The following HIVEP3 variants were observed in gnomAD, a reference collection of about 807,000 sequenced individuals.
The protein encoded by HIVEP3 is transcription factor HIVEP3.
A neutral mutation model predicts 152.8 loss-of-function variants in HIVEP3; 49 were observed. The observed-to-expected ratio is 0.32, with a 90% confidence interval of 0.26 to 0.41. The LOEUF is 0.41. Ranked by LOEUF, HIVEP3 falls within the 10% of genes least tolerant of loss-of-function variation. The pLI, the probability that HIVEP3 is intolerant of heterozygous loss-of-function variation, is 1.00. For synonymous variants in HIVEP3, 1,269 were observed against 1,289.0 expected (o/e 0.98, Z 0.33); for missense variants, 2,790 against 3,103.3 (o/e 0.90, Z 2.40).
chr1:42,027,852 C>T (rs1032256230), intron 1 of HIVEP3, among the ~76,000 whole-genome samples: 2 of 152,124 alleles, frequency 1.3e-5, no homozygotes, highest in African/African-American at 4.8e-5. Context: ...CTCACTATCA[C>T]GAGAATAGCA....
At chr1:41,704,643 C>T (rs767018040) in intron 1 of HIVEP3, among the ~76,000 whole-genome samples, 1 of 152,262 alleles carries the variant, frequency 6.6e-6, no homozygotes, top group Non-Finnish European at 1.5e-5. Context: ...GTTTAGACTT[C>T]ACAATGAGTC....
intron 3 of HIVEP3, among the ~76,000 whole-genome samples, chr1:41,610,311 C>G (rs1283293777): frequency 6.6e-6 from 1 of 152,236 alleles, no homozygotes; most frequent in Non-Finnish European, 1.5e-5. Context: ...AGACACTTTG[C>G]TGCTATCACA....
chr1:41,854,416 C>A (rs1000930652), intron 1 of HIVEP3, among the ~76,000 whole-genome samples: 2 of 152,078 alleles, frequency 1.3e-5, no homozygotes, highest in African/African-American at 4.8e-5. Context: ...TCACCCCCAC[C>A]CCACTGACTC....
intron 1 of HIVEP3, among the ~76,000 whole-genome samples, chr1:41,721,830 C>T (rs1309586276): frequency 6.6e-6 from 1 of 152,182 alleles, no homozygotes; most frequent in African/African-American, 2.4e-5. Context: ...GTGCTCCTAA[C>T]CCCACACGGT....
chr1:41,984,518 T>C (rs1365696273), intron 1 of HIVEP3, among the ~76,000 whole-genome samples: 1 of 151,990 alleles, frequency 6.6e-6, no homozygotes, highest in African/African-American at 2.4e-5. Context: ...TATCCAGACG[T>C]GGAATGCACA....
rs202080533 is a variant in HIVEP3, at chr1:41,753,651, G to A, written c.-800-52656C>T. Among the ~76,000 whole-genome samples the A allele has an allele frequency of 3.5e-4, 48 of 137,418 alleles. 2 individuals carry two copies. In the East Asian group the frequency reaches 0.01, roughly 29 times the overall value. 90.2% of individuals were successfully genotyped at this position (137,418 alleles called of 152,430 possible). ...TCATCGCACTCCAGCCTGGGACACA[G>A]GAGAGAAACGCCGTCTCAAAAATAA... On this transcript the variant is annotated intron_variant, in intron 1 of 8. Transcript: ENST00000372583.
At chr1:41,537,472 G>C (rs1370112464) in intron 5 of HIVEP3, among the ~76,000 whole-genome samples, 1 of 152,224 alleles carries the variant, frequency 6.6e-6, no homozygotes, top group African/African-American at 2.4e-5. Context: ...CTCAGGGCCA[G>C]TTCCCAGAGG....
chr1:41,814,994 G>C (rs529881100), intron 1 of HIVEP3, among the ~76,000 whole-genome samples: 4 of 152,300 alleles, frequency 2.6e-5, no homozygotes, highest in Admixed American at 6.5e-5. Flanking sequence ...TCAAACTTAG[G>C]TTCTAGCAGA....
At chr1:41,728,030 T>C (rs1646783671) in intron 1 of HIVEP3, among the ~76,000 whole-genome samples, 1 of 152,102 alleles carries the variant, frequency 6.6e-6, no homozygotes, top group South Asian at 2.1e-4. Context: ...GTATCCACCA[T>C]CTTATTGTTG....
chr1:41,650,315 C>G (rs1408495346), intron 2 of HIVEP3, among the ~76,000 whole-genome samples: 1 of 152,130 alleles, frequency 6.6e-6, no homozygotes, highest in African/African-American at 2.4e-5. Context: ...TGCTGAAGCA[C>G]CATTGCGTGC....
chr1:42,023,653 T>TTCTCTC (rs1278942649), intron 1 of HIVEP3, among the ~76,000 whole-genome samples: 2 of 152,068 alleles, frequency 1.3e-5, no homozygotes, highest in South Asian at 2.1e-4. Context: ...CCTCCCGCCA[T>TTCTCTC]TCTCTCTCTC....
chr1:41,888,121 C>T (rs528974914), intron 1 of HIVEP3, among the ~76,000 whole-genome samples: 16 of 150,864 alleles, frequency 1.1e-4, no homozygotes, highest in South Asian at 4.2e-4. Context: ...CTGCAAGCTC[C>T]GCCTCCTGGG....
At chr1:41,747,079 C>T (rs1647084165) in intron 1 of HIVEP3, among the ~76,000 whole-genome samples, 1 of 152,150 alleles carries the variant, frequency 6.6e-6, no homozygotes, top group African/African-American at 2.4e-5. Context: ...GGATTCCCAC[C>T]TGTGAGAGGC....
Position 41,510,221 on chromosome 1 carries a change from T to G in HIVEP3, c.*230A>C. On this transcript the variant is annotated 3_prime_UTR_variant, in exon 9 of 9. Coordinates refer to ENST00000372583, the MANE Select transcript of HIVEP3 (RefSeq NM_024503.5). ...CCTCAGACTCCTCGTGGGTTGTTGT[T>G]TTTTTTTTAAATGTATGTATGTGAT... 1 of 381,096 alleles carries G rather than the reference T, an allele frequency of 2.6e-6. No individual in the cohort carries two copies. 23.6% of individuals were successfully genotyped at this position (381,096 alleles called of 1,614,324 possible).
At chr1:41,877,560 A>T (rs981679352) in intron 1 of HIVEP3, among the ~76,000 whole-genome samples, 6 of 152,066 alleles carry the variant, frequency 3.9e-5, no homozygotes, top group African/African-American at 7.2e-5. Context: ...GTGTATTTCT[A>T]CCTCTGGGCC....
At chr1:41,597,395 A>C (rs779532546) in intron 3 of HIVEP3, among the ~76,000 whole-genome samples, 1 of 152,196 alleles carries the variant, frequency 6.6e-6, no homozygotes, top group Non-Finnish European at 1.5e-5. Context: ...GGGCATAATA[A>C]TTCAGAGGAA....
chr1:41,610,314 C>T (rs1644879858), intron 3 of HIVEP3, among the ~76,000 whole-genome samples: 1 of 152,252 alleles, frequency 6.6e-6, no homozygotes, highest in Non-Finnish European at 1.5e-5. Context: ...CACTTTGCTG[C>T]TATCACATGT....
chr1:41,914,673 T>A (rs971041295), intron 1 of HIVEP3, among the ~76,000 whole-genome samples: 3 of 152,240 alleles, frequency 2.0e-5, no homozygotes, highest in African/African-American at 7.2e-5. Flanking sequence ...TTCAGCACGA[T>A]GTCTGAACTG....
chr1:41,625,545 A>AAAACG (rs1194843888), intron 3 of HIVEP3, among the ~76,000 whole-genome samples: 7 of 152,214 alleles, frequency 4.6e-5, no homozygotes, highest in Non-Finnish European at 1.0e-4. Flanking sequence ...CATAATAAAT[A>AAAACG]TAACGTTCAT....
Sources: gnomAD v4.1 joint callset for allele counts (sites outside exome capture counted in the v4.1 genomes callset) on GRCh38, gnomAD v4.1.1 for gene constraint, MANE v1.5 for transcripts, NCBI Gene and HGNC (gene_info 2026-07-23, HGNC 2026-07-21) for gene names.